Variants in NRXN2 observed in about 807,000 individuals in gnomAD.
NRXN2 encodes the protein neurexin 2.
Under a neutral mutation model 128.8 loss-of-function variants are expected in NRXN2, and 29 were observed. That is an observed-to-expected ratio of 0.23 (90% CI 0.17 to 0.31). The LOEUF (loss-of-function observed/expected upper bound fraction) is 0.31. NRXN2 is among the 10% of genes least tolerant of loss of function. The pLI, the probability that NRXN2 is intolerant of heterozygous loss-of-function variation, is 1.00. For missense variants in NRXN2, 1,881 were observed against 2,452.6 expected, an observed-to-expected ratio of 0.77 and a Z score of 4.92; for synonymous variants, 1,098 against 1,075.2, an observed-to-expected ratio of 1.02 and a Z score of -0.41.
intron 6 of NRXN2, 58 bp downstream of exon 6, chr11:64,685,588 C>A: frequency 1.2e-6 from 2 of 1,610,546 alleles, no homozygotes; most frequent in Non-Finnish European, 1.7e-6. Context: ...CCCCCTCTCC[C>A]AACCCCCATT....
chr11:64,633,643 A>G (rs979437676), intron 18 of NRXN2, among the ~76,000 whole-genome samples: 1 of 152,088 alleles, frequency 6.6e-6, no homozygotes, highest in African/African-American at 2.4e-5. Context: ...ACACCACTAC[A>G]TGGGGAAATA....
intron 2 of NRXN2, among the ~76,000 whole-genome samples, chr11:64,706,239 G>A (rs2056307028): frequency 7.6e-6 from 1 of 131,690 alleles, no homozygotes; most frequent in African/African-American, 2.9e-5. Flanking sequence ...AGTTACATAT[G>A]TATACATGTG....
rs1209398221 is a variant in NRXN2 at position 64,713,060 on chromosome 11, C to A, written c.640G>T (p.Ala214Ser). Reference sequence around the variant, plus strand: ...AGCACGGTGCAGAGGCCGCCGTTGGCGCAGGGGTTGCGCGCGGGCGCGCAC... The same window carrying A: ...AGCACGGTGCAGAGGCCGCCGTTGGAGCAGGGGTTGCGCGCGGGCGCGCAC... ...PLCAPARNPC[A>S]NGGLCTVLAP... Residue 214 changes from alanine to serine, a missense_variant, in exon 2 of 23, where the codon GCC becomes TCC. This residue lies in a region of NRXN2 where 997 missense variants were observed against 1,240.8 expected (regional missense o/e 0.80). Coordinates refer to ENST00000265459, the MANE Select transcript of NRXN2 (RefSeq NM_015080.4). 1 of 1,301,990 alleles carries A rather than the reference C, an allele frequency of 7.7e-7. No individual in the cohort carries two copies. Among genetic ancestry groups the A allele is most frequent in the Non-Finnish European group, 9.7e-7 (1 of 1,034,108 alleles). The allele number at this position is 1,301,990 out of a possible 1,614,324, so 80.7% of individuals were successfully genotyped here. A position where few individuals can be genotyped will look rare whatever the true frequency, so the allele number is the denominator to read the frequency against.
At position 64,697,800 on chromosome 11, in the gene NRXN2, C is replaced by A. The variant is rs749952845; in HGVS notation, c.731-8G>T. 7 of 1,613,754 alleles carry A rather than the reference C, an allele frequency of 4.3e-6. No individual in the cohort carries two copies. Among genetic ancestry groups the A allele is most frequent in the Non-Finnish European group, 3.4e-6 (4 of 1,179,822 alleles). On this transcript the variant is annotated splice_polypyrimidine_tract_variant and splice_region_variant and intron_variant, in intron 2 of 22. Coordinates refer to ENST00000265459, the MANE Select transcript of NRXN2 (RefSeq NM_015080.4). ...CTTCCATGGGGTGCTCCTCTGCAGCCAGCGAGGTTCGGAGAAGACGGAGGC... is the reference window on the plus strand; with the variant it reads ...CTTCCATGGGGTGCTCCTCTGCAGCAAGCGAGGTTCGGAGAAGACGGAGGC...
intron 9 of NRXN2, among the ~76,000 whole-genome samples, chr11:64,662,811 G>A (rs2049236467): frequency 6.6e-6 from 1 of 151,736 alleles, no homozygotes; most frequent in Non-Finnish European, 1.5e-5. Context: ...TAAATAAAAG[G>A]GGTCAGGGTG....
chr11:64,707,234 T>C (rs1343320327), intron 2 of NRXN2, among the ~76,000 whole-genome samples: 1 of 151,986 alleles, frequency 6.6e-6, no homozygotes, highest in Admixed American at 6.5e-5. Flanking sequence ...CTACTAAAAA[T>C]ACATTAGCCA....
intron 1 of NRXN2, among the ~76,000 whole-genome samples, chr11:64,719,730 C>T (rs1457260260): frequency 6.6e-6 from 1 of 152,124 alleles, no homozygotes; most frequent in African/African-American, 2.4e-5. Context: ...ATGCTGTGCA[C>T]AGCTGGGGCA....
rs2039985765 is a variant in NRXN2, at chr11:64,608,075, C to T, written c.4260G>A (p.Glu1420=). Residue 1420 remains glutamate (E), a synonymous_variant, in exon 23 of 23, where the codon GAG becomes GAA. Transcript: ENST00000265459. ...LEECEPSTGG[E]LILPIITEDS... ...CCTCCGTGATAATGGGCAATATTAA[C>T]TCTCCTCCTAGAACAAGAGAGAGAA... The T allele has an allele frequency of 2.5e-6, 4 of 1,585,726 alleles. No individual in the cohort carries two copies. Among genetic ancestry groups the T allele is most frequent in the Non-Finnish European group, 3.4e-6 (4 of 1,174,166 alleles).
chr11:64,702,903 C>A (rs2055694343), intron 2 of NRXN2, among the ~76,000 whole-genome samples: 1 of 141,764 alleles, frequency 7.1e-6, no homozygotes, highest in Admixed American at 7.2e-5. Context: ...AATAGAGGAT[C>A]ATTTGAGCCC....
In NRXN2 at chr11:64,635,880, G is replaced by C. The variant is rs2044635814; in HGVS notation, c.3404-428C>G. Among the ~76,000 whole-genome samples, 2 of 151,958 alleles carry C rather than the reference G, an allele frequency of 1.3e-5. No individual in the cohort carries two copies. Among genetic ancestry groups the C allele is most frequent in the South Asian group, 4.2e-4 (2 of 4,814 alleles). ...AGGTGTGTGCTTCTTTGGGGCCAGA[G>C]CTAAGCAGGCACCAAGGAACCCCAG... On this transcript the variant is annotated intron_variant, in intron 17 of 22. Transcript: ENST00000265459. This position sits in a 1 kb window ranked among gnomAD's most constrained non-coding sequence, Gnocchi z 4.8.
chr11:64,636,377 C>T (rs1014916524), intron 17 of NRXN2, among the ~76,000 whole-genome samples: 8 of 114,774 alleles, frequency 7.0e-5, no homozygotes, highest in African/African-American at 1.0e-4. Flanking sequence ...TTCCCTCCTG[C>T]GGCTGACTGA....
chr11:64,611,801 T>C (rs1228276544), intron 22 of NRXN2, among the ~76,000 whole-genome samples: 1 of 152,122 alleles, frequency 6.6e-6, no homozygotes, highest in Non-Finnish European at 1.5e-5. Flanking sequence ...GTCCCAGCCC[T>C]GTCCCCTGCA....
intron 11 of NRXN2, among the ~76,000 whole-genome samples, chr11:64,655,561 G>C (rs1304779742): frequency 6.6e-6 from 1 of 152,138 alleles, no homozygotes; most frequent in African/African-American, 2.4e-5. Context: ...AAGAAAAAAG[G>C]GGAGGCTGGA....
chr11:64,722,427 C>A (rs1461145892), intron 1 of NRXN2, among the ~76,000 whole-genome samples: 1 of 152,064 alleles, frequency 6.6e-6, no homozygotes, highest in Non-Finnish European at 1.5e-5. Flanking sequence ...ATAACCTCTT[C>A]TCCCCTTGGC....
chr11:64,678,373 C>T (rs1237609119), intron 6 of NRXN2, among the ~76,000 whole-genome samples: 1 of 151,942 alleles, frequency 6.6e-6, no homozygotes, highest in African/African-American at 2.4e-5. Flanking sequence ...GGCTGCTGTC[C>T]CTCCCAGAAT....
chr11:64,643,796 C>A (rs1044208791), intron 17 of NRXN2, among the ~76,000 whole-genome samples: 2 of 151,970 alleles, frequency 1.3e-5, no homozygotes, highest in African/African-American at 2.4e-5. Context: ...TCCTGCACCC[C>A]CCTCCTGGAG....
chr11:64,651,417 G>A lies in NRXN2; in HGVS notation c.2756C>T (p.Pro919Leu). 6.2e-7 allele frequency: 1 copy of A among 1,614,196 alleles called. No homozygotes were observed. The highest frequency in any genetic ancestry group is 8.5e-7 in the Non-Finnish European group (1 of 1,180,014). The change falls in exon 14 of 23, where the codon CCC (proline) becomes CTC (leucine). Residue 919 changes from proline (P) to leucine (L), a missense_variant. Coordinates refer to ENST00000265459, the MANE Select transcript of NRXN2 (RefSeq NM_015080.4). This position sits in a 1 kb window ranked among gnomAD's most constrained non-coding sequence, Gnocchi z 5.9. Reference protein sequence around the residue: ...RFGLRAIVADPVTFKSRSSYL... With the variant: ...RFGLRAIVADLVTFKSRSSYL... ...GCTGCTGCGACTCTTGAAGGTGACG[G>A]GATCGGCCACGATGGCACGCAGGCC...
intron 6 of NRXN2, among the ~76,000 whole-genome samples, chr11:64,683,975 T>C (rs1380051565): frequency 6.6e-6 from 1 of 152,180 alleles, no homozygotes; most frequent in Non-Finnish European, 1.5e-5. Flanking sequence ...CTAGGGTGTT[T>C]AAGGTTTCTG....
rs955720887 is a variant in NRXN2, at chr11:64,632,441, A to G, written c.3586-1868T>C. Among the ~76,000 whole-genome samples the G allele has an allele frequency of 6.6e-6, 1 of 152,194 alleles. No homozygotes were observed. The highest frequency in any genetic ancestry group is 1.5e-5 in the Non-Finnish European group (1 of 68,016). On this transcript the variant is annotated intron_variant, in intron 18 of 22. Transcript: ENST00000265459. This position sits in a 1 kb window ranked among gnomAD's most constrained non-coding sequence, Gnocchi z 4.2. ...ACATCCCCAGGGAGACGGGCTGATC[A>G]TCTGCTCCCCACACACGGGAAGGAA...
Sources: gnomAD v4.1 joint callset for allele counts (sites outside exome capture counted in the v4.1 genomes callset) on GRCh38, gnomAD v4.1.1 for gene constraint, gnomAD v4.1.1 regional missense constraint, Gnocchi (gnomAD v3.1) non-coding constraint, MANE v1.5 for transcripts, NCBI Gene and HGNC (gene_info 2026-07-23, HGNC 2026-07-21) for gene names.